The following PARN variants were observed in gnomAD, a reference collection of about 807,000 sequenced individuals.
PARN encodes poly(A)-specific ribonuclease, also known as poly(A)-specific ribonuclease PARN.
Under a neutral mutation model 102.8 loss-of-function variants are expected in PARN, and 71 were observed. The ratio of observed to expected loss-of-function variants is 0.69; its 90% CI spans 0.57 to 0.84. PARN has a LOEUF of 0.84. Ranked by LOEUF, PARN falls within the 40% of genes least tolerant of loss-of-function variation. The pLI is 0.00. For synonymous variants in PARN, 261 were observed against 252.9 expected (o/e 1.03, Z -0.30); for missense variants, 782 against 760.9 (o/e 1.03, Z -0.33).
intron 21 of PARN, among the ~76,000 whole-genome samples, chr16:14,499,171 C>T (rs1167815432): frequency 6.6e-6 from 1 of 152,156 alleles, no homozygotes; most frequent in South Asian, 2.1e-4. Context: ...TTCCCTGTTA[C>T]GGGGGCTGTT....
chr16:14,488,225 T>C (rs1314098068), intron 21 of PARN, among the ~76,000 whole-genome samples: 1 of 152,156 alleles, frequency 6.6e-6, no homozygotes, highest in Admixed American at 6.5e-5. Context: ...AGTCACACCA[T>C]GCCGAAAAAT....
At chr16:14,510,413 G>A (rs1024718225) in intron 21 of PARN, among the ~76,000 whole-genome samples, 1 of 151,878 alleles carries the variant, frequency 6.6e-6, no homozygotes, top group African/African-American at 2.4e-5. Flanking sequence ...ATTCTAGTGG[G>A]AAAAAAATGA....
At position 14,593,369 on chromosome 16, in the gene PARN, C is replaced by T. The variant is rs769158348; in HGVS notation, c.850G>A (p.Val284Ile). Residue 284 changes from valine to isoleucine, a missense_variant, in exon 13 of 24, where the codon GTT becomes ATT. Val to Ile is a conservative substitution (Grantham distance 29). Coordinates refer to ENST00000437198, the MANE Select transcript of PARN (RefSeq NM_002582.4). ...TCCAAGAGCATATTGTGTCCAATAA[C>T]AAGTTTTCCCTAAAGAAAGTCAAGG... ...IHAIANSGKLVIGHNMLLDVM... is the reference protein window; with the variant it reads ...IHAIANSGKLIIGHNMLLDVM... 2 of 1,590,042 alleles carry T rather than the reference C, an allele frequency of 1.3e-6. No homozygotes were observed. Among genetic ancestry groups the T allele is most frequent in the South Asian group, 1.1e-5 (1 of 90,272 alleles).
chr16:14,629,760 G>A, intron 1 of PARN, 86 bp from the exon 2 acceptor site: 3 of 1,017,254 alleles, frequency 2.9e-6, no homozygotes, highest in East Asian at 2.4e-5. Context: ...GAGCTCCCGA[G>A]GCTGAGAGCC....
At chr16:14,489,437 C>CAAAAAAAAAAAAAAA (rs770783306) in intron 21 of PARN, among the ~76,000 whole-genome samples, 1 of 59,440 alleles carries the variant, frequency 1.7e-5, no homozygotes, top group Non-Finnish European at 3.5e-5. Context: ...GAGAGAGACT[C>CAAAAAAAAAAAAAAA]AAAAAAAAAA....
intron 6 of PARN, among the ~76,000 whole-genome samples, chr16:14,615,338 C>T (rs1010608452): frequency 1.3e-5 from 2 of 151,780 alleles, no homozygotes; most frequent in Admixed American, 1.3e-4. Context: ...ACTATGCATC[C>T]ATATGAGTAC....
At chr16:14,590,143 C>T (rs542212998) in intron 13 of PARN, among the ~76,000 whole-genome samples, 1 of 140,416 alleles carries the variant, frequency 7.1e-6, no homozygotes, top group African/African-American at 2.7e-5. Context: ...CCCAGCTACT[C>T]GGGGGGCTGA....
At chr16:14,484,477 C>T (rs1045008597) in intron 21 of PARN, among the ~76,000 whole-genome samples, 15 of 152,206 alleles carry the variant, frequency 9.9e-5, no homozygotes, top group Non-Finnish European at 1.8e-4. Context: ...AGCTGCAAAG[C>T]GCCATGATGT....
At chr16:14,483,237 A>C (rs1298551230) in intron 21 of PARN, among the ~76,000 whole-genome samples, 1 of 152,252 alleles carries the variant, frequency 6.6e-6, no homozygotes, top group Non-Finnish European at 1.5e-5. Flanking sequence ...CTAAAATAAA[A>C]TGACAACAAA....
intron 21 of PARN, among the ~76,000 whole-genome samples, chr16:14,495,234 G>A (rs188092234): frequency 4.6e-4 from 70 of 152,140 alleles, no homozygotes; most frequent in African/African-American, 1.4e-3. Context: ...GCCCGTAGTC[G>A]CCAGCACTTT....
chr16:14,493,930 A>G (rs1012736113), intron 21 of PARN, among the ~76,000 whole-genome samples: 2 of 152,252 alleles, frequency 1.3e-5, no homozygotes, highest in African/African-American at 4.8e-5. Context: ...CTAAGTACTT[A>G]CTATAATGCT....
intron 21 of PARN, among the ~76,000 whole-genome samples, chr16:14,494,090 T>C (rs1964189290): frequency 6.6e-6 from 1 of 152,150 alleles, no homozygotes; most frequent in Non-Finnish European, 1.5e-5. Flanking sequence ...GAAACCTGCC[T>C]ACACGGAGGG....
At chr16:14,576,549 A>G (rs1969153815) in intron 18 of PARN, among the ~76,000 whole-genome samples, 1 of 152,248 alleles carries the variant, frequency 6.6e-6, no homozygotes, top group Non-Finnish European at 1.5e-5. Context: ...AAAAGCAGAG[A>G]GCATTTTTAG....
chr16:14,524,562 T>G (rs1965898349), intron 21 of PARN, among the ~76,000 whole-genome samples: 1 of 152,224 alleles, frequency 6.6e-6, no homozygotes, highest in South Asian at 2.1e-4. Context: ...GAAAAGCTCC[T>G]TTAACTAAAA....
intron 21 of PARN, among the ~76,000 whole-genome samples, chr16:14,522,882 G>A (rs1965812153): frequency 6.6e-6 from 1 of 152,132 alleles, no homozygotes; most frequent in Non-Finnish European, 1.5e-5. Flanking sequence ...TAAGAAAAAG[G>A]AACAAAGAAA....
At chr16:14,541,679 G>A (rs1485121658) in intron 21 of PARN, among the ~76,000 whole-genome samples, 2 of 152,040 alleles carry the variant, frequency 1.3e-5, no homozygotes, top group East Asian at 1.9e-4. Context: ...ATTCTACCAT[G>A]CTGGCCAGGC....
intron 6 of PARN, among the ~76,000 whole-genome samples, chr16:14,617,181 G>T (rs376563191): frequency 6.6e-6 from 1 of 150,884 alleles, no homozygotes; most frequent in Non-Finnish European, 1.5e-5. Flanking sequence ...TCAGGAGATC[G>T]AGACCATCCT....
chr16:14,504,031 T>C (rs2151628677), intron 21 of PARN, among the ~76,000 whole-genome samples: 1 of 152,340 alleles, frequency 6.6e-6, no homozygotes, highest in Non-Finnish European at 1.5e-5. Context: ...GTCTACTGAC[T>C]GTCAGTGAGT....
chr16:14,605,755 C>T (rs1185897304), intron 10 of PARN, among the ~76,000 whole-genome samples: 2 of 152,212 alleles, frequency 1.3e-5, no homozygotes, highest in Non-Finnish European at 2.9e-5. Flanking sequence ...CACTTCCCAT[C>T]ACAATTCTAT....
Sources: allele counts gnomAD v4.1 joint callset (sites outside exome capture counted in the v4.1 genomes callset), GRCh38; gene constraint gnomAD v4.1.1; transcripts MANE v1.5; gene names NCBI Gene and HGNC (gene_info 2026-07-23, HGNC 2026-07-21).